CCDC3: variants seen among roughly 807,000 people sequenced by gnomAD.
CCDC3 encodes the protein coiled-coil domain containing 3.
A neutral mutation model predicts 21.4 loss-of-function variants in CCDC3; 24 were observed. The observed-to-expected ratio is 1.12, with a 90% confidence interval of 0.81 to 1.58. The LOEUF (loss-of-function observed/expected upper bound fraction) is 1.58. CCDC3 is among the 40% of genes most tolerant of loss of function. The pLI is 0.00. For missense variants in CCDC3, 425 were observed against 360.9 expected (o/e 1.18, Z -1.44); for synonymous variants, 186 against 166.0 (o/e 1.12, Z -0.93).
intron 2 of CCDC3, among the ~76,000 whole-genome samples, chr10:12,987,333 T>G (rs1835611303): frequency 6.6e-6 from 1 of 152,238 alleles, no homozygotes; most frequent in African/African-American, 2.4e-5. Flanking sequence ...ATTTTCTATG[T>G]GGATGGAATA....
In CCDC3 at chr10:13,083,081, T is replaced by C. The variant is rs1391981193; in HGVS notation, c.-502-8981A>G. ...ATTTCTCCAACGACAAGGGGAAAAT[T>C]TGGCATTCCTTGGAGACTTAACAAG... On this transcript the variant is annotated intron_variant, in intron 3 of 6. Transcript: ENST00000378839. 1.3e-5 allele frequency among the ~76,000 whole-genome samples: 2 copies of C among 152,220 alleles called. 1 individual carries two copies. Among genetic ancestry groups the C allele is most frequent in the South Asian group, 4.2e-4 (2 of 4,816 alleles).
intron 3 of CCDC3, among the ~76,000 whole-genome samples, chr10:13,088,701 G>T (rs1009783580): frequency 6.6e-6 from 1 of 152,152 alleles, no homozygotes; most frequent in Admixed American, 6.6e-5. Flanking sequence ...GAGACAAGAC[G>T]GAAAGGAGGA....
chr10:12,900,986 C>A (rs1834084091), intron 2 of CCDC3, among the ~76,000 whole-genome samples: 1 of 152,132 alleles, frequency 6.6e-6, no homozygotes, highest in African/African-American at 2.4e-5. Flanking sequence ...GGAAACTGAC[C>A]CTGACCTAAG....
At chr10:13,008,721 A>C (rs946899275) in intron 5 of CCDC3, among the ~76,000 whole-genome samples, 1 of 152,244 alleles carries the variant, frequency 6.6e-6, no homozygotes, top group African/African-American at 2.4e-5. Context: ...TTAGAAATAT[A>C]TGTTATATGC....
intron 2 of CCDC3, among the ~76,000 whole-genome samples, chr10:12,922,600 C>T (rs1343356924): frequency 2.6e-5 from 4 of 152,066 alleles, no homozygotes; most frequent in African/African-American, 4.8e-5. Flanking sequence ...GACAACCTCC[C>T]CACCCTTCCT....
chr10:13,076,736 T>G (rs369361403), intron 3 of CCDC3, among the ~76,000 whole-genome samples: 6 of 152,340 alleles, frequency 3.9e-5, no homozygotes, highest in African/African-American at 1.4e-4. Flanking sequence ...TATTTGGGAA[T>G]GTTATTACTT....
chr10:12,956,841 G>A (rs576713326), intron 2 of CCDC3, among the ~76,000 whole-genome samples: 21 of 152,232 alleles, frequency 1.4e-4, no homozygotes, highest in African/African-American at 4.1e-4. Context: ...TCATGTCCCT[G>A]GAATGATCCA....
intron 2 of CCDC3, among the ~76,000 whole-genome samples, chr10:12,984,423 G>A (rs141528774): frequency 2.6e-5 from 4 of 152,270 alleles, no homozygotes; most frequent in Non-Finnish European, 4.4e-5. Context: ...TAGTGAAGAC[G>A]TAAAGAAATT....
At chr10:12,995,206 T>A (rs1835742952) in intron 2 of CCDC3, among the ~76,000 whole-genome samples, 1 of 152,214 alleles carries the variant, frequency 6.6e-6, no homozygotes, top group African/African-American at 2.4e-5. Context: ...GTAATTTTAA[T>A]TTCAAATTAA....
At chr10:12,939,347 G>C (rs552465279) in intron 2 of CCDC3, among the ~76,000 whole-genome samples, 1 of 152,312 alleles carries the variant, frequency 6.6e-6, no homozygotes, top group African/African-American at 2.4e-5. Flanking sequence ...ACTGTTAGTA[G>C]AGGCTGGGTG....
chr10:12,964,946 G>A (rs1409609786), intron 2 of CCDC3, among the ~76,000 whole-genome samples: 1 of 152,144 alleles, frequency 6.6e-6, no homozygotes, highest in Non-Finnish European at 1.5e-5. Flanking sequence ...TGCAGACAGT[G>A]GCTTTCTCTG....
At chr10:12,938,335 T>C (rs1393758314) in intron 2 of CCDC3, among the ~76,000 whole-genome samples, 1 of 143,362 alleles carries the variant, frequency 7.0e-6, no homozygotes, top group South Asian at 2.7e-4. Context: ...CCTCTTGTCA[T>C]TGTAGCAATG....
At chr10:13,088,745 G>A (rs1301085144) in intron 3 of CCDC3, among the ~76,000 whole-genome samples, 1 of 152,178 alleles carries the variant, frequency 6.6e-6, no homozygotes, top group Non-Finnish European at 1.5e-5. Context: ...AATATTAGCT[G>A]GGCGCAGTGG....
At chr10:12,995,231 G>A (rs979728451) in intron 2 of CCDC3, among the ~76,000 whole-genome samples, 7 of 152,136 alleles carry the variant, frequency 4.6e-5, no homozygotes, top group South Asian at 4.2e-4. Flanking sequence ...TAAACTAATG[G>A]GCTAATTTTT....
rs932331487 is a variant in CCDC3, at chr10:12,965,479, CA to C, written c.549+32858del. On this transcript the variant is annotated intron_variant, in intron 2 of 2. Coordinates refer to ENST00000378825, the MANE Select transcript of CCDC3 (RefSeq NM_031455.4). ...CCACAACTAAAATTATGGTTCAGTT[CA>C]CCAACTAGAGTTCAATATAAATTTA... is the stretch of plus-strand genomic sequence containing the variant. Among the ~76,000 whole-genome samples the C allele has an allele frequency of 8.2e-4, 125 of 152,294 alleles. 1 individual carries two copies. Among genetic ancestry groups the C allele is most frequent in the African/African-American group, 2.8e-3 (118 of 41,564 alleles).
chr10:13,082,297 C>T (rs75926487), intron 3 of CCDC3, among the ~76,000 whole-genome samples: 10 of 151,006 alleles, frequency 6.6e-5, no homozygotes, highest in Admixed American at 2.7e-4. Flanking sequence ...ACTGGACAGG[C>T]GGCCCTTCCC....
intron 2 of CCDC3, among the ~76,000 whole-genome samples, chr10:12,986,662 T>C (rs959332862): frequency 6.6e-6 from 1 of 151,678 alleles, no homozygotes; most frequent in Non-Finnish European, 1.5e-5. Context: ...TAGTCCCAGC[T>C]ACTCGGGAGG....
In CCDC3 at chr10:12,898,297, A is replaced by T; in HGVS notation, c.*119T>A. The T allele has an allele frequency of 8.9e-7, 1 of 1,128,314 alleles. No homozygotes were observed. Among genetic ancestry groups the T allele is most frequent in the Non-Finnish European group, 1.2e-6 (1 of 805,948 alleles). The allele number at this position is 1,128,314 out of a possible 1,614,324, so 69.9% of individuals were successfully genotyped here. A position where few individuals can be genotyped will look rare whatever the true frequency, so the allele number is the denominator to read the frequency against. On this transcript the variant is annotated 3_prime_UTR_variant, in exon 3 of 3. Transcript: ENST00000378825. ...GCATTTTATCCATTTAGACTCTACCAAATGCGTGATTAAAAACAAAAACTC... is the reference window on the plus strand; with the variant it reads ...GCATTTTATCCATTTAGACTCTACCTAATGCGTGATTAAAAACAAAAACTC...
chr10:12,988,894 C>T (rs1835639506), intron 2 of CCDC3, among the ~76,000 whole-genome samples: 1 of 152,216 alleles, frequency 6.6e-6, no homozygotes, highest in Non-Finnish European at 1.5e-5. Flanking sequence ...TACTTGCCAG[C>T]TTTGGCTCTA....
Sources: gnomAD v4.1 joint callset for allele counts (sites outside exome capture counted in the v4.1 genomes callset) on GRCh38, gnomAD v4.1.1 for gene constraint, MANE v1.5 for transcripts, NCBI Gene and HGNC (gene_info 2026-07-23, HGNC 2026-07-21) for gene names.